The following SYNDIG1 variants were observed in gnomAD, a reference collection of about 807,000 sequenced individuals.
SYNDIG1 encodes the protein synapse differentiation-inducing gene protein 1.
Under a neutral mutation model 19.4 loss-of-function variants are expected in SYNDIG1, and 9 were observed. The observed-to-expected ratio is 0.46, with a 90% CI of 0.28 to 0.81. The LOEUF (loss-of-function observed/expected upper bound fraction) is 0.81, where lower values mean the gene tolerates loss of function less well. SYNDIG1 is among the 30% of genes least tolerant of loss of function. The pLI is 0.12. For synonymous variants in SYNDIG1, 141 were observed against 145.9 expected, an observed-to-expected ratio of 0.97 and a Z score of 0.24; for missense variants, 311 against 343.3, an observed-to-expected ratio of 0.91 and a Z score of 0.74.
At chr20:24,550,717 A>T (rs1302968329) in intron 2 of SYNDIG1, among the ~76,000 whole-genome samples, 2 of 152,020 alleles carry the variant, frequency 1.3e-5, no homozygotes, top group Non-Finnish European at 2.9e-5. Flanking sequence ...TCACTGTGTT[A>T]GCCAGGATGG....
At chr20:24,515,166 G>A (rs1246339881) in intron 1 of SYNDIG1, among the ~76,000 whole-genome samples, 1 of 152,118 alleles carries the variant, frequency 6.6e-6, no homozygotes, top group African/African-American at 2.4e-5. Context: ...GCCCACAAGA[G>A]AAAGCAGGAA....
intron 1 of SYNDIG1, among the ~76,000 whole-genome samples, chr20:24,538,458 A>AT (rs71938122): frequency 3.2e-5 from 1 of 31,218 alleles, no homozygotes; most frequent in East Asian, 1.6e-3. Flanking sequence ...AAGACTGAGC[A>AT]ATACTCCATT....
chr20:24,474,781 T>C (rs1391850005), intron 1 of SYNDIG1, among the ~76,000 whole-genome samples: 1 of 152,232 alleles, frequency 6.6e-6, no homozygotes, highest in Non-Finnish European at 1.5e-5. Context: ...ACAAGTTCAG[T>C]TGTAATCTAT....
Position 24,651,385 on chromosome 20 carries a change from A to G in SYNDIG1, c.619-13961A>G, listed in dbSNP as rs77263854. 2.4e-3 allele frequency among the ~76,000 whole-genome samples: 363 copies of G among 152,326 alleles called. 10 individuals carry two copies. The East Asian group carries it at 0.064, about 27-fold the overall frequency. On this transcript the variant is annotated intron_variant, in intron 3 of 3. Transcript: ENST00000376862. ...TGCAAGAGATTGTGGGTTAATCACT[A>G]TAAACTTCCCCACCAAGAGCCTATC...
At chr20:24,647,572 C>T (rs557040727) in intron 3 of SYNDIG1, among the ~76,000 whole-genome samples, 11 of 151,902 alleles carry the variant, frequency 7.2e-5, no homozygotes, top group African/African-American at 2.2e-4. Context: ...TTGTCAATTT[C>T]GTGTGGAAAT....
chr20:24,528,728 A>G (rs2057179267), intron 1 of SYNDIG1, among the ~76,000 whole-genome samples: 1 of 152,186 alleles, frequency 6.6e-6, no homozygotes, highest in Admixed American at 6.5e-5. Flanking sequence ...ATTAATTGCA[A>G]AGGAATATAT....
At position 24,660,769 on chromosome 20, in the gene SYNDIG1, A is replaced by C. The variant is rs544904291; in HGVS notation, c.619-4577A>C. ...CTGTGTGTCCATCCACTTGCCCCTCAGCTGGGCTCTACTGGATAGGACCCA... is the reference window on the plus strand; with the variant it reads ...CTGTGTGTCCATCCACTTGCCCCTCCGCTGGGCTCTACTGGATAGGACCCA... On this transcript the variant is annotated intron_variant, in intron 3 of 3. Coordinates refer to ENST00000376862, the MANE Select transcript of SYNDIG1 (RefSeq NM_024893.3). 9.2e-5 allele frequency among the ~76,000 whole-genome samples: 14 copies of C among 152,292 alleles called. No individual in the cohort carries two copies. The South Asian group carries it at 2.9e-3, about 32-fold the overall frequency.
At chr20:24,572,806 C>A (rs1424116169) in intron 2 of SYNDIG1, among the ~76,000 whole-genome samples, 3 of 152,162 alleles carry the variant, frequency 2.0e-5, no homozygotes, top group East Asian at 1.9e-4. Context: ...GAAACTGTAA[C>A]AACTGATAGT....
intron 3 of SYNDIG1, among the ~76,000 whole-genome samples, chr20:24,610,531 C>T (rs186115174): frequency 1.2e-3 from 176 of 152,352 alleles, no homozygotes; most frequent in African/African-American, 4.0e-3. Flanking sequence ...GAGTCACACA[C>T]ACCACACACA....
At chr20:24,500,533 CTTT>C (rs2056427051) in intron 1 of SYNDIG1, among the ~76,000 whole-genome samples, 1 of 104,604 alleles carries the variant, frequency 9.6e-6, no homozygotes, top group African/African-American at 4.1e-5. Context: ...TTTCTTTCTT[CTTT>C]CTTTCTTTCT....
At chr20:24,549,210 A>T (rs2057653299) in intron 2 of SYNDIG1, among the ~76,000 whole-genome samples, 1 of 151,888 alleles carries the variant, frequency 6.6e-6, no homozygotes, top group African/African-American at 2.4e-5. Flanking sequence ...ATCTCTTCCT[A>T]TCTCTCCCTT....
chr20:24,522,849 G>C (rs1016804651), intron 1 of SYNDIG1, among the ~76,000 whole-genome samples: 4 of 152,158 alleles, frequency 2.6e-5, no homozygotes, highest in Non-Finnish European at 5.9e-5. Flanking sequence ...CCTGGTGAGA[G>C]GGAGCAAGAG....
chr20:24,489,990 G>A (rs1304653636), intron 1 of SYNDIG1, among the ~76,000 whole-genome samples: 4 of 152,196 alleles, frequency 2.6e-5, no homozygotes, highest in Admixed American at 2.0e-4. Flanking sequence ...TGTGGCCCCC[G>A]AGCTGAATCC....
intron 3 of SYNDIG1, among the ~76,000 whole-genome samples, chr20:24,640,225 T>C (rs1270586541): frequency 6.6e-6 from 1 of 151,764 alleles, no homozygotes; most frequent in Non-Finnish European, 1.5e-5. Flanking sequence ...TCCCAGCTAC[T>C]CAGGAGGTTG....
chr20:24,524,765 T>C (rs1025189933), intron 1 of SYNDIG1, among the ~76,000 whole-genome samples: 7 of 152,188 alleles, frequency 4.6e-5, no homozygotes, highest in Non-Finnish European at 8.8e-5. Flanking sequence ...GGAAGAGTGA[T>C]GTGAGTCCAC....
intron 3 of SYNDIG1, among the ~76,000 whole-genome samples, chr20:24,648,125 C>T (rs1219403034): frequency 1.3e-5 from 2 of 152,168 alleles, no homozygotes; most frequent in Non-Finnish European, 2.9e-5. Flanking sequence ...CTAATACCAT[C>T]TCATTGGAAT....
chr20:24,647,823 A>G (rs2059435753), intron 3 of SYNDIG1, among the ~76,000 whole-genome samples: 1 of 151,114 alleles, frequency 6.6e-6, no homozygotes, highest in Non-Finnish European at 1.5e-5. Context: ...GCAGCACATC[A>G]GTCAGACTGA....
At chr20:24,552,076 T>A (rs937204924) in intron 2 of SYNDIG1, among the ~76,000 whole-genome samples, 1 of 152,210 alleles carries the variant, frequency 6.6e-6, no homozygotes, top group Non-Finnish European at 1.5e-5. Flanking sequence ...AATATTTACT[T>A]TTAGGGAATT....
chr20:24,518,782 C>G lies in SYNDIG1; in HGVS notation c.-78-24238C>G, dbSNP rs562364659. Reference sequence around the variant, plus strand: ...ATACCTCCCAGCTCCATGTTTCACTCGTGAAACCATGGTCTTCAAAACATA... The same window carrying G: ...ATACCTCCCAGCTCCATGTTTCACTGGTGAAACCATGGTCTTCAAAACATA... On this transcript the variant is annotated intron_variant, in intron 1 of 3. Coordinates refer to ENST00000376862, the MANE Select transcript of SYNDIG1 (RefSeq NM_024893.3). Among the ~76,000 whole-genome samples, 14 of 152,252 alleles carry G rather than the reference C, an allele frequency of 9.2e-5. No homozygotes were observed. The East Asian group carries it at 2.7e-3, about 29-fold the overall frequency.
Sources: allele counts gnomAD v4.1 joint callset (sites outside exome capture counted in the v4.1 genomes callset), GRCh38; gene constraint gnomAD v4.1.1; transcripts MANE v1.5; gene names NCBI Gene and HGNC (gene_info 2026-07-23, HGNC 2026-07-21).